The following GABRG3 variants were observed in gnomAD, a reference collection of about 807,000 sequenced individuals.
GABRG3 encodes gamma-aminobutyric acid receptor subunit gamma-3.
A neutral mutation model predicts 48.8 loss-of-function variants in GABRG3; 25 were observed. The ratio of observed to expected loss-of-function variants is 0.51; its 90% CI spans 0.37 to 0.72. GABRG3 has a LOEUF of 0.72. Among genes scored for constraint, GABRG3 ranks in the 30% least tolerant of loss-of-function variants. The pLI is 0.00. For missense variants in GABRG3, 394 were observed against 577.9 expected (o/e 0.68, Z 3.26); for synonymous variants, 227 against 217.6 (o/e 1.04, Z -0.38).
At chr15:27,187,488 C>G (rs1278118632) in intron 3 of GABRG3, among the ~76,000 whole-genome samples, 1 of 152,034 alleles carries the variant, frequency 6.6e-6, no homozygotes, top group East Asian at 1.9e-4. Context: ...ATATGTAAAT[C>G]ACTTTGAGCA....
chr15:27,529,889 TAAA>T (rs539243697), intron 9 of GABRG3, among the ~76,000 whole-genome samples: 2 of 116,622 alleles, frequency 1.7e-5, no homozygotes, highest in African/African-American at 3.3e-5. Context: ...AGCAGAAAAT[TAAA>T]AAAAAAAAAA....
chr15:27,082,266 A>C (rs1171605977), intron 3 of GABRG3, among the ~76,000 whole-genome samples: 1 of 152,204 alleles, frequency 6.6e-6, no homozygotes, highest in Non-Finnish European at 1.5e-5. Context: ...TTGACCTCTG[A>C]CCTGAAAAGC....
intron 3 of GABRG3, among the ~76,000 whole-genome samples, chr15:27,275,848 C>A (rs1443689778): frequency 6.6e-6 from 1 of 152,116 alleles, no homozygotes; most frequent in Non-Finnish European, 1.5e-5. Flanking sequence ...AGGCTTATGG[C>A]ATTATTTAAT....
chr15:27,283,205 A>C (rs1891494747), intron 3 of GABRG3, among the ~76,000 whole-genome samples: 1 of 152,074 alleles, frequency 6.6e-6, no homozygotes, highest in African/African-American at 2.4e-5. Flanking sequence ...AGCACCATGA[A>C]GGGGTTGGGG....
intron 5 of GABRG3, among the ~76,000 whole-genome samples, chr15:27,464,804 ATTTGTC>A (rs1190277163): frequency 6.6e-6 from 1 of 152,068 alleles, no homozygotes. Flanking sequence ...TAAATGGACT[ATTTGTC>A]TTTGTATTGT....
intron 5 of GABRG3, among the ~76,000 whole-genome samples, chr15:27,477,337 A>G (rs1193420015): frequency 1.3e-5 from 2 of 152,230 alleles, no homozygotes; most frequent in African/African-American, 2.4e-5. Flanking sequence ...GCTACATACT[A>G]TATGAGTCCA....
At chr15:27,315,306 G>A (rs1371429329) in intron 3 of GABRG3, among the ~76,000 whole-genome samples, 1 of 152,150 alleles carries the variant, frequency 6.6e-6, no homozygotes, top group Non-Finnish European at 1.5e-5. Context: ...ACAGTGTCTA[G>A]ATAAATCATA....
At chr15:27,138,712 G>A (rs1234094448) in intron 3 of GABRG3, among the ~76,000 whole-genome samples, 1 of 152,150 alleles carries the variant, frequency 6.6e-6, no homozygotes, top group Non-Finnish European at 1.5e-5. Context: ...TTGTAGGGTG[G>A]AAAATTATTA....
At chr15:27,062,335 G>A (rs369969341) in intron 3 of GABRG3, among the ~76,000 whole-genome samples, 2 of 150,862 alleles carry the variant, frequency 1.3e-5, no homozygotes, top group East Asian at 3.9e-4. Flanking sequence ...GGTGGCTCAC[G>A]CCTGTAATCC....
At chr15:27,302,772 G>A (rs1389801612) in intron 3 of GABRG3, among the ~76,000 whole-genome samples, 1 of 151,930 alleles carries the variant, frequency 6.6e-6, no homozygotes, top group Non-Finnish European at 1.5e-5. Flanking sequence ...ATTATTCAGA[G>A]TATCATCTCA....
At chr15:27,067,755 C>G (rs1896761622) in intron 3 of GABRG3, among the ~76,000 whole-genome samples, 1 of 152,174 alleles carries the variant, frequency 6.6e-6, no homozygotes, top group African/African-American at 2.4e-5. Flanking sequence ...CCTGGCTGTT[C>G]AGGCCTCCTC....
intron 3 of GABRG3, among the ~76,000 whole-genome samples, chr15:27,217,220 C>A (rs1056418529): frequency 6.6e-6 from 1 of 152,140 alleles, no homozygotes; most frequent in Non-Finnish European, 1.5e-5. Context: ...CACTTGCACA[C>A]GTATGTTTAT....
chr15:27,266,346 A>C (rs919783114), intron 3 of GABRG3, among the ~76,000 whole-genome samples: 1 of 151,750 alleles, frequency 6.6e-6, no homozygotes, highest in Non-Finnish European at 1.5e-5. Flanking sequence ...TATCTTCTGC[A>C]TTGGTTTTTA....
chr15:27,377,027 C>G (rs144350546), intron 5 of GABRG3, among the ~76,000 whole-genome samples: 29 of 152,262 alleles, frequency 1.9e-4, no homozygotes, highest in African/African-American at 6.7e-4. Flanking sequence ...TTAGAAATTT[C>G]TCCACCAGAT....
chr15:27,303,313 A>G (rs1273075606), intron 3 of GABRG3, among the ~76,000 whole-genome samples: 3 of 151,818 alleles, frequency 2.0e-5, no homozygotes, highest in Admixed American at 6.6e-5. Flanking sequence ...AGGGAGTACT[A>G]GAAACACCTC....
chr15:27,090,332 C>T (rs1278364075), intron 3 of GABRG3, among the ~76,000 whole-genome samples: 1 of 152,210 alleles, frequency 6.6e-6, no homozygotes, highest in Non-Finnish European at 1.5e-5. Flanking sequence ...GCATATTTTA[C>T]TTAAAGTATT....
At chr15:27,196,353 C>T (rs183147524) in intron 3 of GABRG3, among the ~76,000 whole-genome samples, 1 of 152,258 alleles carries the variant, frequency 6.6e-6, no homozygotes, top group Non-Finnish European at 1.5e-5. Flanking sequence ...TCTCTCTCTC[C>T]AGGCCCCTGC....
intron 3 of GABRG3, among the ~76,000 whole-genome samples, chr15:27,088,775 C>T (rs890454035): frequency 2.0e-5 from 3 of 152,118 alleles, no homozygotes; most frequent in Non-Finnish European, 4.4e-5. Flanking sequence ...CCACCAGGCC[C>T]CTCACAATTG....
intron 6 of GABRG3, among the ~76,000 whole-genome samples, chr15:27,486,491 A>C (rs1252217415): frequency 6.6e-6 from 1 of 152,098 alleles, no homozygotes; most frequent in East Asian, 1.9e-4. Context: ...GAAGTTTTTG[A>C]TACTGTGTGT....
Sources: allele counts gnomAD v4.1 joint callset (sites outside exome capture counted in the v4.1 genomes callset), GRCh38; gene constraint gnomAD v4.1.1; transcripts MANE v1.5; gene names NCBI Gene and HGNC (gene_info 2026-07-23, HGNC 2026-07-21).